APC: variants seen among roughly 807,000 people sequenced by gnomAD.
The protein encoded by APC is adenomatous polyposis coli protein.
Under a neutral mutation model 247.0 loss-of-function variants are expected in APC, and 72 were observed. The observed-to-expected ratio is 0.29, with a 90% CI of 0.24 to 0.35. The LOEUF (loss-of-function observed/expected upper bound fraction) is 0.35. APC is among the 10% of genes least tolerant of loss of function. The probability of loss-of-function intolerance (pLI) is 1.00; values close to 1 mark genes in which losing one functional copy is unlikely to be tolerated. For missense variants in APC, 3,400 were observed against 3,360.7 expected, an observed-to-expected ratio of 1.01 and a Z score of -0.29; for synonymous variants, 1,254 against 1,162.5, an observed-to-expected ratio of 1.08 and a Z score of -1.60.
In APC at chr5:112,775,598, A is replaced by G; in HGVS notation, c.423-31A>G. ...CTGCAGTCTTTATTAGCATTGTTTAAACGTACCTTTTTTTAAAAAAAAAAA... is the reference window on the plus strand; with the variant it reads ...CTGCAGTCTTTATTAGCATTGTTTAGACGTACCTTTTTTTAAAAAAAAAAA... On this transcript the variant is annotated intron_variant, in intron 4 of 15. Transcript: ENST00000257430. 7.3e-7 allele frequency: 1 copy of G among 1,371,492 alleles called. No homozygotes were observed. The highest frequency in any genetic ancestry group is 1.0e-6 in the Non-Finnish European group (1 of 966,418). 85.0% of individuals were successfully genotyped at this position (1,371,492 alleles called of 1,614,324 possible). A position where few individuals can be genotyped will look rare whatever the true frequency, so the allele number is the denominator to read the frequency against.
intron 11 of APC, chr5:112,823,185 C>G (rs1018300926): frequency 6.6e-6 from 1 of 152,506 alleles, no homozygotes; most frequent in Admixed American, 6.6e-5. Context: ...TTTAAGATAC[C>G]TCAAAAGTTA....
rs760005647 is a variant in APC at position 112,838,834 on chromosome 5, G to A, written c.3240G>A (p.Glu1080=). The A allele has an allele frequency of 6.2e-7, 1 of 1,614,126 alleles. No individual in the cohort carries two copies. The highest frequency in any genetic ancestry group is 1.7e-5 in the Admixed American group (1 of 60,014). Residue 1080 remains glutamate, a synonymous_variant, in exon 16 of 16, where the codon GAG becomes GAA. Transcript: ENST00000257430. The part of the protein sequence containing the change: ...NQSTTYPVYT[E]STDDKHLKFQ... The stretch of plus-strand genomic sequence containing the variant: ...GTACAACTTATCCTGTTTATACTGA[G>A]AGCACTGATGATAAACACCTCAAGT...
rs749230730 is a variant in APC at position 112,842,040 on chromosome 5, A to C, written c.6446A>C (p.His2149Pro). 28 of 1,613,294 alleles carry C rather than the reference A, an allele frequency of 1.7e-5. No individual in the cohort carries two copies. The highest frequency in any genetic ancestry group is 2.4e-5 in the Non-Finnish European group (28 of 1,179,372). Reference protein sequence around the residue: ...KSGISLGSPFHLTPDQEEKPF... With the variant: ...KSGISLGSPFPLTPDQEEKPF... ...GGAATCTCTCTGGGATCACCATTTCATCTTACACCTGATCAAGAAGAAAAA... is the reference window on the plus strand; with the variant it reads ...GGAATCTCTCTGGGATCACCATTTCCTCTTACACCTGATCAAGAAGAAAAA... The change falls in exon 16 of 16, where the codon CAT becomes CCT. Residue 2149 changes from histidine to proline, a missense_variant. Physicochemically the swap from His to Pro is moderately conservative, Grantham distance 77. Around this residue, in one of 9 missense-constraint regions of APC, gnomAD observed 1,788 missense variants for 1,649.5 expected, o/e 1.08. Coordinates refer to ENST00000257430, the MANE Select transcript of APC (RefSeq NM_000038.6).
intron 4 of APC, among the ~76,000 whole-genome samples, chr5:112,772,091 A>G (rs1014901425): frequency 6.6e-6 from 1 of 152,180 alleles, no homozygotes; most frequent in African/African-American, 2.4e-5. Context: ...TTATTTAACA[A>G]ATATTTATTG....
At chr5:112,835,766 G>T (rs936443539) in intron 15 of APC, among the ~76,000 whole-genome samples, 5 of 151,648 alleles carry the variant, frequency 3.3e-5, no homozygotes, top group African/African-American at 1.2e-4. Flanking sequence ...TAGAGATGGG[G>T]TTTCACAATG....
At chr5:112,746,455 T>G (rs1198521187) in intron 1 of APC, among the ~76,000 whole-genome samples, 1 of 152,136 alleles carries the variant, frequency 6.6e-6, no homozygotes, top group Non-Finnish European at 1.5e-5. Context: ...CATTTTCTCT[T>G]TAAAAATTCT....
In APC at chr5:112,840,238, C is replaced by G. The variant is rs2149919882; in HGVS notation, c.4644C>G (p.Asn1548Lys). 6.2e-7 allele frequency: 1 copy of G among 1,614,030 alleles called. No individual in the cohort carries two copies. The highest frequency in any genetic ancestry group is 8.5e-7 in the Non-Finnish European group (1 of 1,180,004). Reference sequence around the variant, plus strand: ...AGCAGCCTAAAGAATCAAATGAAAACCAAGAGAAAGAGGCAGAAAAAACTA... The same window carrying G: ...AGCAGCCTAAAGAATCAAATGAAAAGCAAGAGAAAGAGGCAGAAAAAACTA... ...ESEQPKESNE[N>K]QEKEAEKTID... is the part of the protein sequence containing the mutation. Residue 1548 changes from asparagine (N) to lysine (K), a missense_variant, in exon 16 of 16, where the codon AAC (asparagine) becomes AAG (lysine). Coordinates refer to ENST00000257430, the MANE Select transcript of APC (RefSeq NM_000038.6). This position sits in a 1 kb window ranked among gnomAD's most constrained non-coding sequence, Gnocchi z 4.1.
intron 3 of APC, 116 bp from the exon 4 acceptor site, chr5:112,767,072 GT>G: frequency 2.1e-6 from 2 of 953,756 alleles, no homozygotes; most frequent in Non-Finnish European, 3.2e-6. Flanking sequence ...TTTCAGTCAT[GT>G]ATATTTGTGG....
chr5:112,844,353 TG>T lies in APC; in HGVS notation c.*228del. 1.8e-6 allele frequency: 1 copy of T among 548,120 alleles called. No individual in the cohort carries two copies. The highest frequency in any genetic ancestry group is 3.5e-5 in the Admixed American group (1 of 28,686). 34.0% of individuals were successfully genotyped at this position (548,120 alleles called of 1,614,324 possible). On this transcript the variant is annotated 3_prime_UTR_variant, in exon 16 of 16. Coordinates refer to ENST00000257430, the MANE Select transcript of APC (RefSeq NM_000038.6). ...AGGAAAAAAATAGTAAAGCCAAGTA[TG>T]TTTGTACAGTATGTTTTACATGTAT... is the stretch of plus-strand genomic sequence containing the variant.
rs184679209 is a variant in APC, at chr5:112,833,269, G to C, written c.1744-1682G>C. ...GCAATCTCGGCTCACTGCAACCTCT[G>C]CCTCCCTGGTTCAAGCGATTCCCCT... On this transcript the variant is annotated intron_variant, in intron 14 of 15. Transcript: ENST00000257430. 6.6e-3 allele frequency among the ~76,000 whole-genome samples: 986 copies of C among 148,620 alleles called. 9 individuals are homozygous for C. The highest frequency in any genetic ancestry group is 0.01 in the Non-Finnish European group (686 of 67,600).
In APC at chr5:112,787,077, G is replaced by A. The variant is rs544845270; in HGVS notation, c.646-5369G>A. ...TAATTTTTGTATTTTTAGTAGAGAC[G>A]GGGTTTCACTATGTTGCCCAGTCTG... On this transcript the variant is annotated intron_variant, in intron 6 of 15. Coordinates refer to ENST00000257430, the MANE Select transcript of APC (RefSeq NM_000038.6). 1.0e-3 allele frequency among the ~76,000 whole-genome samples: 155 copies of A among 151,926 alleles called. No homozygotes were observed. The Middle Eastern group carries it at 0.01, about 10-fold the overall frequency.
intron 2 of APC, among the ~76,000 whole-genome samples, chr5:112,764,008 C>T (rs1409388871): frequency 4.0e-5 from 6 of 151,218 alleles, no homozygotes; most frequent in African/African-American, 1.2e-4. Context: ...GAGGCTGACG[C>T]GGGCGGATGG....
intron 13 of APC, among the ~76,000 whole-genome samples, chr5:112,828,474 A>C (rs1057335403): frequency 2.1e-5 from 3 of 143,206 alleles, no homozygotes; most frequent in South Asian, 2.3e-4. Context: ...AAAAAAAAAA[A>C]CAGGATCTCC....
At chr5:112,741,501 C>G (rs755837717) in intron 1 of APC, among the ~76,000 whole-genome samples, 3 of 152,194 alleles carry the variant, frequency 2.0e-5, no homozygotes, top group Admixed American at 1.3e-4. Flanking sequence ...CCTTTATTCT[C>G]ACACCCTGCA....
At chr5:112,769,113 G>T (rs11949316) in intron 4 of APC, among the ~76,000 whole-genome samples, 1 of 139,660 alleles carries the variant, frequency 7.2e-6, no homozygotes, top group African/African-American at 2.7e-5. Flanking sequence ...GTGCAGTGGC[G>T]CAATCTTGGC....
intron 2 of APC, among the ~76,000 whole-genome samples, chr5:112,761,255 T>C (rs899490518): frequency 6.6e-6 from 1 of 152,238 alleles, no homozygotes; most frequent in African/African-American, 2.4e-5. Context: ...TCAAACGTTA[T>C]ATGAAATGCA....
rs962373452 is a variant in APC, at chr5:112,828,932, G to A, written c.1703G>A (p.Ser568Asn). The A allele has an allele frequency of 3.1e-6, 5 of 1,613,866 alleles. No individual in the cohort carries two copies. Among genetic ancestry groups the A allele is most frequent in the Middle Eastern group, 1.7e-4 (1 of 6,058 alleles). The stretch of plus-strand genomic sequence containing the variant: ...AAAAAGACGTTGCGAGAAGTTGGAA[G>A]TGTGAAAGCATTGATGGAATGTGCT... Reference protein sequence around the residue: ...NSKKTLREVGSVKALMECALE... With the variant: ...NSKKTLREVGNVKALMECALE... Residue 568 changes from serine to asparagine, a missense_variant, in exon 14 of 16, where the codon AGT (serine) becomes AAT (asparagine). Ser to Asn is a conservative substitution (Grantham distance 46). Coordinates refer to ENST00000257430, the MANE Select transcript of APC (RefSeq NM_000038.6).
At chr5:112,821,779 C>G (rs1763151525) in intron 10 of APC, 117 bp from the exon 11 acceptor site, 1 of 777,392 alleles carries the variant, frequency 1.3e-6, no homozygotes, top group Non-Finnish European at 2.2e-6. Flanking sequence ...TGTTGATCCA[C>G]TAAAATTCCG....
chr5:112,723,994 CAG>C (rs1447481243), intron 1 of APC, among the ~76,000 whole-genome samples: 1 of 152,082 alleles, frequency 6.6e-6, no homozygotes. Context: ...TTCAGGAAGT[CAG>C]AGGATGAGGA....
Sources: allele counts gnomAD v4.1 joint callset (sites outside exome capture counted in the v4.1 genomes callset), GRCh38; gene constraint gnomAD v4.1.1; regional missense constraint gnomAD v4.1.1; non-coding constraint Gnocchi (gnomAD v3.1); transcripts MANE v1.5; gene names NCBI Gene and HGNC (gene_info 2026-07-23, HGNC 2026-07-21).